Variants in ZNF83 observed in about 807,000 individuals in gnomAD.
The protein encoded by ZNF83 is zinc finger protein 816B.
For missense variants in ZNF83, 552 were observed against 629.9 expected, an observed-to-expected ratio of 0.88 and a Z score of 1.32; for synonymous variants, 209 against 213.0, an observed-to-expected ratio of 0.98 and a Z score of 0.17.
chr19:52,656,142 G>T (rs1001023759), intron 2 of ZNF83, among the ~76,000 whole-genome samples: 3 of 152,142 alleles, frequency 2.0e-5, no homozygotes. Context: ...GAGCTCCAGA[G>T]GCAAAGGTTG....
chr19:52,626,949 C>T (rs751504957), intron 2 of ZNF83, among the ~76,000 whole-genome samples: 10 of 152,072 alleles, frequency 6.6e-5, no homozygotes, highest in Non-Finnish European at 8.8e-5. Flanking sequence ...CTGAGGCAAC[C>T]GAAAAGTACA....
intron 1 of ZNF83, among the ~76,000 whole-genome samples, chr19:52,685,215 C>T (rs2061994289): frequency 6.6e-6 from 1 of 152,124 alleles, no homozygotes; most frequent in South Asian, 2.1e-4. Context: ...GTGAGCTTTT[C>T]TGGTCTAGCC....
upstream of ZNF83, among the ~76,000 whole-genome samples, chr19:52,642,277 T>C (rs2061317356): frequency 7.3e-6 from 1 of 137,860 alleles, no homozygotes; most frequent in Non-Finnish European, 1.6e-5. Flanking sequence ...TTTTTTTTTT[T>C]TTTTTTTTTT....
In ZNF83 at chr19:52,660,844, CTG is replaced by C. The variant is rs528731623; in HGVS notation, c.-282-3_-282-2del. 2.8e-5 allele frequency: 5 copies of C among 176,238 alleles called. No individual in the cohort carries two copies. The highest frequency in any genetic ancestry group is 6.2e-5 in the Non-Finnish European group (5 of 80,546). The allele number at this position is 176,238 out of a possible 1,614,324, so 10.9% of individuals were successfully genotyped here. On this transcript the variant is annotated splice_acceptor_variant and splice_polypyrimidine_tract_variant and intron_variant, in intron 1 of 5. Transcript: ENST00000594682. LOFTEE classifies it low-confidence loss of function (5UTR_SPLICE). ...TAACATGAGTCTTTGGAAATTAATT[CTG>C]TGTGAGAAAAAAATATGATATTTAA... is the stretch of plus-strand genomic sequence containing the variant.
intron 1 of ZNF83, chr19:52,674,331 A>G (rs1366102537): frequency 6.6e-6 from 1 of 152,244 alleles, no homozygotes; most frequent in Non-Finnish European, 1.5e-5. Flanking sequence ...GAAATAACCA[A>G]TCAGGAAAAA....
rs565545869 is a variant in ZNF83, at chr19:52,680,760, C to G, written c.-283+9683G>C. Among the ~76,000 whole-genome samples the G allele has an allele frequency of 9.7e-5, 14 of 143,828 alleles. No individual in the cohort carries two copies. The South Asian group carries it at 2.8e-3, about 29-fold the overall frequency. 94.4% of individuals were successfully genotyped at this position (143,828 alleles called of 152,430 possible). A position where few individuals can be genotyped will look rare whatever the true frequency, so the allele number is the denominator to read the frequency against. On this transcript the variant is annotated intron_variant, in intron 1 of 5. Transcript: ENST00000594682. ...CCCGAGTAACTGGGACTACAGGCGC[C>G]CGCCACTACGCCCGGCTAATTTTTT...
At position 52,635,123 on chromosome 19, in the gene ZNF83, C is replaced by CTCA. The variant is rs780557019; in HGVS notation, c.-294_-292dup. ...TCCTCTTCCCCTTCCGGGTTTCTTC[C>CTCA]TCATGTACCAAGAGTCCTTAGAAGT... is the stretch of plus-strand genomic sequence containing the variant. On this transcript the variant is annotated 5_prime_UTR_variant, in exon 2 of 3. In the 5' UTR this introduces an upstream ATG that the reference lacks. Coordinates refer to ENST00000301096, the Ensembl canonical transcript of ZNF83. The CTCA allele has an allele frequency of 1.5e-6, 1 of 685,960 alleles. No homozygotes were observed. The highest frequency in any genetic ancestry group is 2.6e-6 in the Non-Finnish European group (1 of 383,048). 42.5% of individuals were successfully genotyped at this position (685,960 alleles called of 1,614,324 possible). A position where few individuals can be genotyped will look rare whatever the true frequency, so the allele number is the denominator to read the frequency against.
At position 52,652,213 on chromosome 19, in the gene ZNF83, C is replaced by T. The variant is rs966110114; in HGVS notation, c.-74+3348G>A. 7 of 216,930 alleles carry T rather than the reference C, an allele frequency of 3.2e-5. 1 individual carries two copies. Among genetic ancestry groups the T allele is most frequent in the South Asian group, 2.0e-4 (3 of 14,942 alleles). The allele number at this position is 216,930 out of a possible 1,614,324, so 13.4% of individuals were successfully genotyped here. The stretch of plus-strand genomic sequence containing the variant: ...CAGCACTTTGGGAGGCCGAGGCAGG[C>T]GGATCACAAGATCAAGAGTTGAGAG... On this transcript the variant is annotated intron_variant, in intron 3 of 5. Transcript: ENST00000594682.
At chr19:52,655,326 C>T (rs2061491523) in intron 3 of ZNF83, 2 of 398,912 alleles carry the variant, frequency 5.0e-6, no homozygotes, top group Non-Finnish European at 8.9e-6. Context: ...AGCAGGATGA[C>T]GTTCAATTCT....
chr19:52,660,199 CAGAG>C (rs1196146239), intron 2 of ZNF83, among the ~76,000 whole-genome samples: 1 of 152,106 alleles, frequency 6.6e-6, no homozygotes, highest in Non-Finnish European at 1.5e-5. Context: ...TAGTCTTAGT[CAGAG>C]AGGGCACCTC....
chr19:52,685,325 G>T (rs899447493), intron 1 of ZNF83, among the ~76,000 whole-genome samples: 1 of 152,126 alleles, frequency 6.6e-6, no homozygotes, highest in Non-Finnish European at 1.5e-5. Flanking sequence ...AGGTGTGTCT[G>T]AATTCTTACA....
upstream of ZNF83, among the ~76,000 whole-genome samples, chr19:52,643,118 T>C (rs1600219730): frequency 6.6e-6 from 1 of 151,992 alleles, no homozygotes; most frequent in Non-Finnish European, 1.5e-5. Context: ...GTGGAGGTTG[T>C]AGTGAGCCGA....
At chr19:52,677,531 G>A (rs903977079) in intron 1 of ZNF83, among the ~76,000 whole-genome samples, 2 of 151,298 alleles carry the variant, frequency 1.3e-5, no homozygotes, top group South Asian at 2.1e-4. Flanking sequence ...GCAGTATGGC[G>A]GTCTGAGGTA....
intron 1 of ZNF83, among the ~76,000 whole-genome samples, chr19:52,686,478 ATAT>A (rs1454037759): frequency 2.2e-5 from 3 of 135,898 alleles, no homozygotes; most frequent in Non-Finnish European, 4.7e-5. Context: ...ATATATATAT[ATAT>A]AAATAAATGA....
chr19:52,625,290 C>T (rs2060697850), intron 2 of ZNF83, among the ~76,000 whole-genome samples: 1 of 152,168 alleles, frequency 6.6e-6, no homozygotes, highest in Admixed American at 6.5e-5. Flanking sequence ...CCTTCCATAT[C>T]TTGCACCACC....
intron 1 of ZNF83, among the ~76,000 whole-genome samples, chr19:52,677,323 A>C (rs980230139): frequency 9.4e-5 from 14 of 148,210 alleles, no homozygotes; most frequent in East Asian, 8.4e-4. Context: ...AAAAAAAAAA[A>C]AAAAAAACAA....
At chr19:52,625,330 C>T (rs1031851937) in intron 2 of ZNF83, among the ~76,000 whole-genome samples, 3 of 152,048 alleles carry the variant, frequency 2.0e-5, no homozygotes, top group African/African-American at 7.2e-5. Context: ...AAGAGGTTTC[C>T]CCCCTATGCA....
At chr19:52,620,739 G>A (rs1341862178) in intron 2 of ZNF83, among the ~76,000 whole-genome samples, 2 of 152,208 alleles carry the variant, frequency 1.3e-5, no homozygotes, top group Non-Finnish European at 2.9e-5. Flanking sequence ...TGAGGCAAGC[G>A]AAAAGCACAA....
intron 3 of ZNF83, among the ~76,000 whole-genome samples, chr19:52,653,459 C>T (rs111311236): frequency 0.016 from 2,374 of 152,234 alleles, 51 homozygotes; most frequent in African/African-American, 0.05. Flanking sequence ...TGCCTAAAAG[C>T]TTTGTCACAA....
Sources: gnomAD v4.1 joint callset for allele counts (sites outside exome capture counted in the v4.1 genomes callset) on GRCh38, gnomAD v4.1.1 for gene constraint, MANE v1.5 for transcripts, NCBI Gene and HGNC (gene_info 2026-07-23, HGNC 2026-07-21) for gene names.